Variants in GMPS observed in about 807,000 individuals in gnomAD.
GMPS encodes GMP synthase [glutamine-hydrolyzing].
A neutral mutation model predicts 77.9 loss-of-function variants in GMPS; 15 were observed. The observed-to-expected ratio is 0.19, with a 90% CI of 0.13 to 0.30. The LOEUF is 0.30. Ranked by LOEUF, GMPS falls within the 10% of genes least tolerant of loss-of-function variation. The pLI is 1.00. For missense variants in GMPS, 590 were observed against 838.8 expected (o/e 0.70, Z 3.66); for synonymous variants, 224 against 275.9 (o/e 0.81, Z 1.86).
chr3:155,894,467 AC>A (rs2108075381), intron 2 of GMPS, among the ~76,000 whole-genome samples: 1 of 152,166 alleles, frequency 6.6e-6, no homozygotes, highest in South Asian at 2.1e-4. Flanking sequence ...CAGGTGATCC[AC>A]CTACCTAGGT....
chr3:155,876,863 G>A (rs1466549980), intron 1 of GMPS, among the ~76,000 whole-genome samples: 1 of 152,188 alleles, frequency 6.6e-6, no homozygotes, highest in Admixed American at 6.5e-5. Flanking sequence ...AGTGGTGTGA[G>A]CCAGCAGCAC....
rs1219415048 is a variant in GMPS at position 155,939,189 on chromosome 3, G to C, written c.*1497G>C. 4.5e-6 allele frequency: 1 copy of C among 220,338 alleles called. No individual in the cohort carries two copies. The highest frequency in any genetic ancestry group is 5.8e-5 in the Admixed American group (1 of 17,316). 13.6% of individuals were successfully genotyped at this position (220,338 alleles called of 1,614,324 possible). On this transcript the variant is annotated 3_prime_UTR_variant, in exon 16 of 16. Transcript: ENST00000496455. The stretch of plus-strand genomic sequence containing the variant: ...TACTTGACTCCTACAAAACTTAAAG[G>C]GTACATTCTCTATCTGATGAGGAGG...
chr3:155,877,512 A>C (rs574853323), intron 1 of GMPS, among the ~76,000 whole-genome samples: 126 of 151,880 alleles, frequency 8.3e-4, no homozygotes, highest in African/African-American at 2.9e-3. Flanking sequence ...CCAAAAAAAA[A>C]CCTCTACCCT....
At chr3:155,896,445 A>G (rs1560041248) in intron 2 of GMPS, among the ~76,000 whole-genome samples, 3 of 152,294 alleles carry the variant, frequency 2.0e-5, no homozygotes, top group South Asian at 2.1e-4. Context: ...TGCAGGACAC[A>G]CACTAACAAA....
intron 7 of GMPS, among the ~76,000 whole-genome samples, chr3:155,911,728 A>G (rs956964080): frequency 6.6e-6 from 1 of 150,898 alleles, no homozygotes; most frequent in Non-Finnish European, 1.5e-5. Flanking sequence ...GATCCCAGCT[A>G]CTCGAGAGGC....
At chr3:155,871,988 T>C (rs1473544994) in intron 1 of GMPS, among the ~76,000 whole-genome samples, 1 of 152,206 alleles carries the variant, frequency 6.6e-6, no homozygotes, top group African/African-American at 2.4e-5. Flanking sequence ...CAGTTTTGAA[T>C]TGCGATTTAC....
chr3:155,871,771 G>A (rs1404247174), intron 1 of GMPS, among the ~76,000 whole-genome samples: 1 of 152,246 alleles, frequency 6.6e-6, no homozygotes, highest in Non-Finnish European at 1.5e-5. Flanking sequence ...TGCTGGAAAA[G>A]TTGCCGCCTT....
chr3:155,931,005 T>C lies in GMPS; in HGVS notation c.1561-760T>C, dbSNP rs145412162. ...ACTGCCCAGCTAATTTTTGTATATT[T>C]TGTAGAGACAGGGTGTTGCCATGTT... On this transcript the variant is annotated intron_variant, in intron 12 of 15. Coordinates refer to ENST00000496455, the MANE Select transcript of GMPS (RefSeq NM_003875.3). 8.0e-4 allele frequency among the ~76,000 whole-genome samples: 121 copies of C among 152,074 alleles called. 1 individual carries two copies. The East Asian group carries it at 0.014, about 18-fold the overall frequency.
Position 155,942,101 on chromosome 3 carries a change from GT to G in GMPS, c.*4419del, listed in dbSNP as rs377473624. ...ACTCAAGCATTTACAGTTTTGTTTT[GT>G]TTTTTTTTTAAGACAGAGTCTCGCT... On this transcript the variant is annotated 3_prime_UTR_variant, in exon 16 of 16. Transcript: ENST00000496455. The G allele has an allele frequency of 4.1e-4, 75 of 183,508 alleles. No homozygotes were observed. Among genetic ancestry groups the G allele is most frequent in the Non-Finnish European group, 5.3e-4 (47 of 88,078 alleles). The allele number at this position is 183,508 out of a possible 1,614,324, so 11.4% of individuals were successfully genotyped here. A position where few individuals can be genotyped will look rare whatever the true frequency, so the allele number is the denominator to read the frequency against.
chr3:155,925,449 G>T, intron 12 of GMPS, 83 bp downstream of exon 12: 1 of 1,151,102 alleles, frequency 8.7e-7, no homozygotes, highest in South Asian at 1.6e-5. Context: ...GTGTTGCCCA[G>T]GCTGGAGCGC....
intron 1 of GMPS, among the ~76,000 whole-genome samples, chr3:155,873,638 C>CTTTTTTTTTTTTTTTT (rs58365650): frequency 0.01 from 840 of 82,442 alleles, 191 homozygotes; most frequent in Middle Eastern, 0.023. Flanking sequence ...TGAGTAAGTT[C>CTTTTTTTTTTTTTTTT]TTTTTTTTTT....
chr3:155,921,130 C>G (rs973667754), intron 10 of GMPS, among the ~76,000 whole-genome samples: 2 of 152,030 alleles, frequency 1.3e-5, no homozygotes, highest in African/African-American at 4.8e-5. Context: ...GTACTAGGTA[C>G]ACTGGTGGCT....
chr3:155,886,611 C>CTTTTTTTT lies in GMPS; in HGVS notation c.28-6887_28-6880dup, dbSNP rs58367815. Among the ~76,000 whole-genome samples, 128 of 78,040 alleles carry CTTTTTTTT rather than the reference C, an allele frequency of 1.6e-3. 3 individuals are homozygous for CTTTTTTTT. Among genetic ancestry groups the CTTTTTTTT allele is most frequent in the East Asian group, 8.2e-3 (17 of 2,068 alleles). The allele number at this position is 78,040 out of a possible 152,430, so 51.2% of individuals were successfully genotyped here. ...AATCTAGCATGTCTATTCCTGATGA[C>CTTTTTTTT]TTTTTTTTTTTTTTTTTTTTTTTTT... is the stretch of plus-strand genomic sequence containing the variant. On this transcript the variant is annotated intron_variant, in intron 1 of 15. Transcript: ENST00000496455.
intron 10 of GMPS, among the ~76,000 whole-genome samples, chr3:155,919,798 C>A (rs1441817692): frequency 9.2e-5 from 14 of 152,166 alleles, no homozygotes; most frequent in African/African-American, 3.4e-4. Flanking sequence ...GCAGAGAATT[C>A]CTGGCACAAT....
intron 15 of GMPS, among the ~76,000 whole-genome samples, chr3:155,936,724 T>C (rs1397443275): frequency 6.6e-6 from 1 of 152,174 alleles, no homozygotes; most frequent in African/African-American, 2.4e-5. Flanking sequence ...GTGATTACTG[T>C]ATAAAAAGTA....
At chr3:155,886,191 GAAT>G (rs1358601505) in intron 1 of GMPS, among the ~76,000 whole-genome samples, 1 of 152,018 alleles carries the variant, frequency 6.6e-6, no homozygotes, top group Non-Finnish European at 1.5e-5. Context: ...ATAATTGTAG[GAAT>G]AATAAGTTGC....
intron 1 of GMPS, among the ~76,000 whole-genome samples, chr3:155,878,671 G>A (rs895099501): frequency 6.6e-6 from 1 of 152,158 alleles, no homozygotes; most frequent in Non-Finnish European, 1.5e-5. Flanking sequence ...TATAGATAGA[G>A]AAATAGATAA....
At position 155,937,882 on chromosome 3, in the gene GMPS, G is replaced by A; in HGVS notation, c.*190G>A. Reference sequence around the variant, plus strand: ...AAAAGGGACTGAAGAGTTTGTACGGGTAAATAATCAAAGCACCATTGCCTA... The same window carrying A: ...AAAAGGGACTGAAGAGTTTGTACGGATAAATAATCAAAGCACCATTGCCTA... On this transcript the variant is annotated 3_prime_UTR_variant, in exon 16 of 16. Coordinates refer to ENST00000496455, the MANE Select transcript of GMPS (RefSeq NM_003875.3). The A allele has an allele frequency of 1.9e-6, 1 of 515,540 alleles. No homozygotes were observed. The highest frequency in any genetic ancestry group is 1.9e-5 in the African/African-American group (1 of 52,240). 31.9% of individuals were successfully genotyped at this position (515,540 alleles called of 1,614,324 possible).
At chr3:155,894,418 T>C (rs1017336078) in intron 2 of GMPS, among the ~76,000 whole-genome samples, 5 of 152,154 alleles carry the variant, frequency 3.3e-5, no homozygotes, top group African/African-American at 1.2e-4. Flanking sequence ...CAGAACGGGT[T>C]TCACCATGTT....
Sources: allele counts gnomAD v4.1 joint callset (sites outside exome capture counted in the v4.1 genomes callset), GRCh38; gene constraint gnomAD v4.1.1; transcripts MANE v1.5; gene names NCBI Gene and HGNC (gene_info 2026-07-23, HGNC 2026-07-21).